MDGA2: variants seen among roughly 807,000 people sequenced by gnomAD.
MDGA2 encodes the protein MAM domain containing glycosylphosphatidylinositol anchor 2, also known as MAM domain-containing glycosylphosphatidylinositol anchor protein 2.
Under a neutral mutation model 117.8 loss-of-function variants are expected in MDGA2, and 40 were observed. That is an observed-to-expected ratio of 0.34 (90% CI 0.26 to 0.44). The LOEUF (loss-of-function observed/expected upper bound fraction) is 0.44. Ranked by LOEUF, MDGA2 falls within the 20% of genes least tolerant of loss-of-function variation. MDGA2 has a pLI of 1.00. For synonymous variants in MDGA2, 452 were observed against 439.0 expected (o/e 1.03, Z -0.37); for missense variants, 1,123 against 1,250.6 (o/e 0.90, Z 1.54).
At chr14:47,152,172 T>G in intron 3 of MDGA2, among the ~76,000 whole-genome samples, 1 of 152,126 alleles carries the variant, frequency 6.6e-6, no homozygotes, top group East Asian at 1.9e-4. Flanking sequence ...CCCAAAAGAA[T>G]TTGTGGTATG....
intron 9 of MDGA2, among the ~76,000 whole-genome samples, chr14:46,951,185 T>TA (rs1885359384): frequency 6.6e-6 from 1 of 151,966 alleles, no homozygotes; most frequent in South Asian, 2.1e-4. Flanking sequence ...TTTTGCTTTG[T>TA]AAAACCCTAT....
chr14:47,001,420 G>A (rs766226178), intron 8 of MDGA2, among the ~76,000 whole-genome samples: 30 of 152,038 alleles, frequency 2.0e-4, no homozygotes, highest in South Asian at 8.3e-4. Flanking sequence ...AAAACAATTC[G>A]AGGACCAAAA....
In MDGA2 at chr14:47,036,323, T is replaced by C. The variant is rs543661237; in HGVS notation, c.1526-1019A>G. ...TATAATTTTTCTCGAGTAAAGTTAA[T>C]TTCTGATTTACAGAGAATATTTATG... On this transcript the variant is annotated intron_variant, in intron 7 of 16. Transcript: ENST00000399232. Among the ~76,000 whole-genome samples, 11 of 151,378 alleles carry C rather than the reference T, an allele frequency of 7.3e-5. No individual in the cohort carries two copies. In the South Asian group the frequency reaches 1.9e-3, roughly 26 times the overall value.
At chr14:47,005,605 A>G (rs1246762351) in intron 8 of MDGA2, among the ~76,000 whole-genome samples, 1 of 151,408 alleles carries the variant, frequency 6.6e-6, no homozygotes, top group Non-Finnish European at 1.5e-5. Context: ...ACTTTTTTAT[A>G]TATCTGAATA....
chr14:47,167,242 T>A (rs1272168038), intron 3 of MDGA2, among the ~76,000 whole-genome samples: 1 of 152,154 alleles, frequency 6.6e-6, no homozygotes, highest in Non-Finnish European at 1.5e-5. Context: ...ATAAAACAAA[T>A]TCTCATTAAA....
chr14:47,022,593 T>C (rs1399564363), intron 8 of MDGA2, among the ~76,000 whole-genome samples: 1 of 152,106 alleles, frequency 6.6e-6, no homozygotes, highest in Non-Finnish European at 1.5e-5. Context: ...ATTGCTAAGT[T>C]CAGAAAATTT....
intron 1 of MDGA2, among the ~76,000 whole-genome samples, chr14:47,384,234 T>C (rs529324994): frequency 4.5e-4 from 68 of 150,966 alleles, no homozygotes; most frequent in African/African-American, 1.6e-3. Context: ...CTTGGCAGCA[T>C]TGATGGAGGC....
chr14:47,366,165 C>T (rs1257846705), intron 1 of MDGA2, among the ~76,000 whole-genome samples: 1 of 152,144 alleles, frequency 6.6e-6, no homozygotes, highest in East Asian at 1.9e-4. Flanking sequence ...TCACATAGCT[C>T]AAACTTCCCC....
At chr14:47,242,503 G>A (rs902351491) in intron 2 of MDGA2, among the ~76,000 whole-genome samples, 2 of 151,968 alleles carry the variant, frequency 1.3e-5, no homozygotes, top group Non-Finnish European at 2.9e-5. Flanking sequence ...TGGAGTTCCG[G>A]GTGGGCGTGG....
At chr14:47,446,941 T>G (rs73260136) in intron 1 of MDGA2, among the ~76,000 whole-genome samples, 4,782 of 152,196 alleles carry the variant, frequency 0.031, 253 homozygotes, top group African/African-American at 0.11. Context: ...TATGAATGAA[T>G]CTCATGCATT....
At chr14:47,049,257 C>G (rs953010246) in intron 7 of MDGA2, among the ~76,000 whole-genome samples, 55 of 152,084 alleles carry the variant, frequency 3.6e-4, no homozygotes, top group African/African-American at 1.2e-3. Context: ...CATACAGATA[C>G]AATTCTTCCT....
chr14:47,370,468 G>GTTTTTT lies in MDGA2; in HGVS notation c.281-68924_281-68919dup, dbSNP rs67255552. Among the ~76,000 whole-genome samples the GTTTTTT allele has an allele frequency of 1.2e-3, 24 of 20,684 alleles. 10 individuals are homozygous for GTTTTTT. Among genetic ancestry groups the GTTTTTT allele is most frequent in the Non-Finnish European group, 1.9e-3 (19 of 9,988 alleles). The allele number at this position is 20,684 out of a possible 152,430, so 13.6% of individuals were successfully genotyped here. On this transcript the variant is annotated intron_variant, in intron 1 of 16. Transcript: ENST00000399232. ...TTACTATTTTCTAGGTCTACTTACT[G>GTTTTTT]TTTTTTTTTTTTTTTTTTTTTTTTT...
At chr14:47,613,506 C>CAT (rs3040352) in intron 1 of MDGA2, among the ~76,000 whole-genome samples, 30 of 150,538 alleles carry the variant, frequency 2.0e-4, no homozygotes, top group Admixed American at 7.3e-4. Context: ...CACACACACA[C>CAT]GCACACGCAC....
intron 6 of MDGA2, among the ~76,000 whole-genome samples, chr14:47,062,381 C>T (rs973629773): frequency 6.6e-6 from 1 of 151,932 alleles, no homozygotes; most frequent in African/African-American, 2.4e-5. Flanking sequence ...CAAAAGGCTG[C>T]CAAGGGAGCA....
At chr14:47,442,900 C>G (rs1395330786) in intron 1 of MDGA2, among the ~76,000 whole-genome samples, 2 of 152,076 alleles carry the variant, frequency 1.3e-5, no homozygotes, top group Non-Finnish European at 2.9e-5. Context: ...TGAATCATCC[C>G]TTTGTTCGGC....
chr14:47,448,135 ATTTTATTTTAT>A (rs1406945045), intron 1 of MDGA2, among the ~76,000 whole-genome samples: 20 of 144,866 alleles, frequency 1.4e-4, no homozygotes, highest in African/African-American at 4.7e-4. Flanking sequence ...TTATTTATTT[ATTTTATTTTAT>A]TTTATTTTAT....
At chr14:47,079,727 ATTTT>A (rs35801678) in intron 6 of MDGA2, among the ~76,000 whole-genome samples, 19 of 80,070 alleles carry the variant, frequency 2.4e-4, no homozygotes, top group Middle Eastern at 0.012. Context: ...TTTTCTACTA[ATTTT>A]TTTTTTTTTT....
intron 7 of MDGA2, among the ~76,000 whole-genome samples, chr14:47,051,735 C>T (rs1279438722): frequency 6.6e-6 from 1 of 151,834 alleles, no homozygotes. Context: ...AGTTCTAGAG[C>T]TTTCACTACC....
chr14:47,272,028 T>C (rs1485762229), intron 2 of MDGA2, among the ~76,000 whole-genome samples: 2 of 152,156 alleles, frequency 1.3e-5, no homozygotes, highest in Non-Finnish European at 2.9e-5. Flanking sequence ...GAAAGTATCC[T>C]CAAGCCAAAA....
Sources: allele counts gnomAD v4.1 joint callset (sites outside exome capture counted in the v4.1 genomes callset), GRCh38; gene constraint gnomAD v4.1.1; transcripts MANE v1.5; gene names NCBI Gene and HGNC (gene_info 2026-07-23, HGNC 2026-07-21).